The following HS6ST1 variants were observed in gnomAD, a reference collection of about 807,000 sequenced individuals.
HS6ST1 encodes heparan sulfate 6-O-sulfotransferase 1.
In HS6ST1, 3 loss-of-function variants were observed where a neutral mutation model predicts 25.2. That is an observed-to-expected ratio of 0.12 (90% CI 0.05 to 0.31). The LOEUF is 0.31. Among genes scored for constraint, HS6ST1 ranks in the 10% least tolerant of loss-of-function variants. The pLI, the probability that HS6ST1 is intolerant of heterozygous loss-of-function variation, is 1.00. For synonymous variants in HS6ST1, 204 were observed against 275.1 expected (o/e 0.74, Z 2.56); for missense variants, 310 against 609.6 (o/e 0.51, Z 5.18).
chr2:128,317,707 C>T (rs936084900), intron 1 of HS6ST1, among the ~76,000 whole-genome samples: 6 of 152,274 alleles, frequency 3.9e-5, no homozygotes, highest in African/African-American at 1.4e-4. Flanking sequence ...CGGGCCAGAC[C>T]TCACGGCGCA....
At position 128,267,761 on chromosome 2, in the gene HS6ST1, A is replaced by G. The variant is rs1335710636; in HGVS notation, c.*401T>C. 3.7e-6 allele frequency: 1 copy of G among 268,872 alleles called. No homozygotes were observed. The highest frequency in any genetic ancestry group is 2.2e-5 in the African/African-American group (1 of 45,934). 16.7% of individuals were successfully genotyped at this position (268,872 alleles called of 1,614,324 possible). On this transcript the variant is annotated 3_prime_UTR_variant, in exon 2 of 2. Coordinates refer to ENST00000259241, the MANE Select transcript of HS6ST1 (RefSeq NM_004807.3). Reference sequence around the variant, plus strand: ...TAGTAGCCCGGACAGAGGAGCTAAGAGCGAGTGCTGTGTGCATAGTTGGTG... The same window carrying G: ...TAGTAGCCCGGACAGAGGAGCTAAGGGCGAGTGCTGTGTGCATAGTTGGTG...
chr2:128,292,898 A>G (rs1375349), intron 1 of HS6ST1, among the ~76,000 whole-genome samples: 103,160 of 151,862 alleles, frequency 0.68, 36,472 homozygotes, highest in African/African-American at 0.87. Context: ...GTGTGGGGGA[A>G]GGCAGCGGTC....
Position 128,314,218 on chromosome 2 carries a change from C to T in HS6ST1, c.527+3819G>A, listed in dbSNP as rs1424380638. ...CTGTCGCATGCCACAGAAACGAAGG[C>T]TCTCATCCAAGCCCACCCCTACCTG... On this transcript the variant is annotated intron_variant, in intron 1 of 1. Coordinates refer to ENST00000259241, the MANE Select transcript of HS6ST1 (RefSeq NM_004807.3). 2.0e-5 allele frequency among the ~76,000 whole-genome samples: 3 copies of T among 152,130 alleles called. No individual in the cohort carries two copies. The East Asian group carries it at 5.8e-4, about 29-fold the overall frequency.
chr2:128,313,593 G>A (rs1287311809), intron 1 of HS6ST1, among the ~76,000 whole-genome samples: 1 of 152,146 alleles, frequency 6.6e-6, no homozygotes, highest in Non-Finnish European at 1.5e-5. Context: ...ACTCCCCGAA[G>A]GACGACAAGA....
chr2:128,306,931 C>G lies in HS6ST1; in HGVS notation c.527+11106G>C, dbSNP rs542704232. 7.2e-5 allele frequency among the ~76,000 whole-genome samples: 11 copies of G among 152,194 alleles called. 1 individual carries two copies. In the South Asian group the frequency reaches 2.3e-3, roughly 32 times the overall value. On this transcript the variant is annotated intron_variant, in intron 1 of 1. Coordinates refer to ENST00000259241, the MANE Select transcript of HS6ST1 (RefSeq NM_004807.3). Reference sequence around the variant, plus strand: ...TCACTGTCATGGGGGGAGGCTGAGGCACAGGGCGTGGACATTCAGCTCTTT... The same window carrying G: ...TCACTGTCATGGGGGGAGGCTGAGGGACAGGGCGTGGACATTCAGCTCTTT...
At chr2:128,306,915 T>A (rs1164766227) in intron 1 of HS6ST1, among the ~76,000 whole-genome samples, 1 of 151,434 alleles carries the variant, frequency 6.6e-6, no homozygotes, top group East Asian at 2.0e-4. Flanking sequence ...GTCACTGTCA[T>A]GGGGGGAGGC....
chr2:128,283,758 C>T (rs1693820878), intron 1 of HS6ST1, among the ~76,000 whole-genome samples: 2 of 152,186 alleles, frequency 1.3e-5, no homozygotes, highest in South Asian at 2.1e-4. Context: ...GAGGTGCCTG[C>T]TGGCAGGAAG....
intron 1 of HS6ST1, among the ~76,000 whole-genome samples, chr2:128,294,671 C>CGTGTGTGTGTGTGTGT (rs56059401): frequency 7.4e-6 from 1 of 136,046 alleles, no homozygotes; most frequent in Non-Finnish European, 1.6e-5. Context: ...AGAAGGGAGG[C>CGTGTGTGTGTGTGTGT]GTGTGTGTGT....
At chr2:128,269,349 G>C (rs1230350858) in intron 1 of HS6ST1, among the ~76,000 whole-genome samples, 2 of 152,160 alleles carry the variant, frequency 1.3e-5, no homozygotes, top group African/African-American at 2.4e-5. Context: ...GTTGGGGGGG[G>C]GGTGCCCAGC....
chr2:128,271,423 G>A (rs1251170289), intron 1 of HS6ST1, among the ~76,000 whole-genome samples: 1 of 152,258 alleles, frequency 6.6e-6, no homozygotes, highest in African/African-American at 2.4e-5. Context: ...TGGGCTGGTG[G>A]AGGGTCCGGG....
At chr2:128,286,414 A>G (rs1046356757) in intron 1 of HS6ST1, among the ~76,000 whole-genome samples, 1 of 151,898 alleles carries the variant, frequency 6.6e-6, no homozygotes, top group Non-Finnish European at 1.5e-5. Context: ...GCAGGTCAGG[A>G]GCTTGGAGGA....
At chr2:128,272,854 G>C (rs1020956813) in intron 1 of HS6ST1, among the ~76,000 whole-genome samples, 4 of 152,196 alleles carry the variant, frequency 2.6e-5, no homozygotes, top group African/African-American at 7.2e-5. Context: ...AGGACTGGAG[G>C]GGAAGCTTTC....
intron 1 of HS6ST1, among the ~76,000 whole-genome samples, chr2:128,299,358 A>G (rs12692077): frequency 0.16 from 24,849 of 152,244 alleles, 2,423 homozygotes; most frequent in Non-Finnish European, 0.21. Flanking sequence ...TGGCCGGCCC[A>G]CTCTTAGCAA....
chr2:128,298,266 C>CA (rs989322262), intron 1 of HS6ST1, among the ~76,000 whole-genome samples: 2 of 151,672 alleles, frequency 1.3e-5, no homozygotes, highest in African/African-American at 2.4e-5. Flanking sequence ...GGTGGTTTCT[C>CA]AAAAAAAATG....
At chr2:128,306,672 G>A (rs1242504541) in intron 1 of HS6ST1, among the ~76,000 whole-genome samples, 2 of 152,190 alleles carry the variant, frequency 1.3e-5, no homozygotes, top group Admixed American at 6.5e-5. Flanking sequence ...ATGGCAGCAG[G>A]GGTACTGCAA....
Position 128,310,897 on chromosome 2 carries a change from C to A in HS6ST1, c.527+7140G>T, listed in dbSNP as rs138625674. ...CTGGCCTGCTTGCAGGGGCCCCTCT[C>A]CACTCATGCCGTCCCATCTCCACTG... On this transcript the variant is annotated intron_variant, in intron 1 of 1. Coordinates refer to ENST00000259241, the MANE Select transcript of HS6ST1 (RefSeq NM_004807.3). 5.0e-3 allele frequency among the ~76,000 whole-genome samples: 763 copies of A among 152,296 alleles called. 7 individuals are homozygous for A. The highest frequency in any genetic ancestry group is 0.017 in the African/African-American group (691 of 41,544).
intron 1 of HS6ST1, among the ~76,000 whole-genome samples, chr2:128,299,507 C>T (rs1694090971): frequency 6.6e-6 from 1 of 152,242 alleles, no homozygotes; most frequent in Non-Finnish European, 1.5e-5. Flanking sequence ...CTGGACACTC[C>T]AGGCCCAATG....
intron 1 of HS6ST1, among the ~76,000 whole-genome samples, chr2:128,316,437 G>A (rs1694364043): frequency 1.3e-5 from 2 of 152,242 alleles, no homozygotes; most frequent in Admixed American, 1.3e-4. Context: ...CCAACTCTGG[G>A]AGCCTACTGC....
At chr2:128,296,975 T>C (rs1032438300) in intron 1 of HS6ST1, among the ~76,000 whole-genome samples, 4 of 152,042 alleles carry the variant, frequency 2.6e-5, no homozygotes, top group African/African-American at 7.3e-5. Flanking sequence ...TGAGGGAGGA[T>C]TGTTTGAGCC....
Sources: allele counts gnomAD v4.1 joint callset (sites outside exome capture counted in the v4.1 genomes callset), GRCh38; gene constraint gnomAD v4.1.1; transcripts MANE v1.5; gene names NCBI Gene and HGNC (gene_info 2026-07-23, HGNC 2026-07-21).